The following RGS6 variants were observed in gnomAD, a reference collection of about 807,000 sequenced individuals.
RGS6 encodes the protein regulator of G protein signaling 6, also known as regulator of G-protein signaling 6.
Under a neutral mutation model 78.5 loss-of-function variants are expected in RGS6, and 30 were observed. That is an observed-to-expected ratio of 0.38 (90% CI 0.29 to 0.52). RGS6 has a LOEUF of 0.52. RGS6 is among the 20% of genes least tolerant of loss of function. RGS6 has a pLI of 0.85. For synonymous variants in RGS6, 206 were observed against 206.0 expected, an observed-to-expected ratio of 1.00 and a Z score of 0.00; for missense variants, 495 against 609.7, an observed-to-expected ratio of 0.81 and a Z score of 1.98.
intron 2 of RGS6, among the ~76,000 whole-genome samples, chr14:72,168,288 A>G (rs149668): frequency 0.99 from 150,991 of 152,162 alleles, 74,914 homozygotes; most frequent in Middle Eastern, 1. Flanking sequence ...ATGGTCCCCC[A>G]CAGGCCTCGG....
chr14:72,146,208 C>CA, intron 2 of RGS6, among the ~76,000 whole-genome samples: 1 of 152,248 alleles, frequency 6.6e-6, no homozygotes, highest in South Asian at 2.1e-4. Context: ...ATAATGACAT[C>CA]AATCCATTCA....
intron 2 of RGS6, among the ~76,000 whole-genome samples, chr14:72,351,048 G>A (rs904853749): frequency 6.6e-6 from 1 of 152,082 alleles, no homozygotes; most frequent in African/African-American, 2.4e-5. Flanking sequence ...TCATCAAGTT[G>A]CAATCATAGT....
chr14:72,094,419 A>AC (rs2095354688), intron 2 of RGS6, among the ~76,000 whole-genome samples: 1 of 151,906 alleles, frequency 6.6e-6, no homozygotes, highest in Non-Finnish European at 1.5e-5. Context: ...GTGGTTGGTG[A>AC]CCCCCACTTT....
intron 2 of RGS6, among the ~76,000 whole-genome samples, chr14:72,083,120 C>T (rs1386647106): frequency 3.9e-5 from 6 of 152,156 alleles, no homozygotes; most frequent in Admixed American, 2.6e-4. Context: ...CAGAATCTCC[C>T]TAGAAAACTT....
chr14:72,220,785 C>A (rs1215335204), intron 2 of RGS6, among the ~76,000 whole-genome samples: 1 of 152,146 alleles, frequency 6.6e-6, no homozygotes, highest in Admixed American at 6.5e-5. Flanking sequence ...GGTTGATGAA[C>A]TTGAACATCA....
chr14:72,549,774 A>G (rs1301104605), intron 17 of RGS6, among the ~76,000 whole-genome samples: 1 of 152,170 alleles, frequency 6.6e-6, no homozygotes, highest in Non-Finnish European at 1.5e-5. Context: ...AGGCAGGAGG[A>G]TCACTAGAAC....
intron 2 of RGS6, among the ~76,000 whole-genome samples, chr14:72,307,466 T>C (rs2067522420): frequency 6.6e-6 from 1 of 152,184 alleles, no homozygotes; most frequent in African/African-American, 2.4e-5. Flanking sequence ...TCTATGCTGA[T>C]ATAAGGTATG....
chr14:72,159,933 A>G (rs1208544866), intron 2 of RGS6, among the ~76,000 whole-genome samples: 1 of 152,214 alleles, frequency 6.6e-6, no homozygotes, highest in Non-Finnish European at 1.5e-5. Flanking sequence ...CAGTTTTTAT[A>G]ATTTCAAGAT....
At position 72,562,447 on chromosome 14, in the gene RGS6, G is replaced by A; in HGVS notation, c.1453G>A (p.Gly485Ser). 1 of 1,612,890 alleles carries A rather than the reference G, an allele frequency of 6.2e-7. No homozygotes were observed. Among genetic ancestry groups the A allele is most frequent in the South Asian group, 1.1e-5 (1 of 91,088 alleles). The change falls in exon 18 of 18, where the codon GGC becomes AGC. Residue 485 changes from glycine (G) to serine (S), a missense_variant. By Grantham distance (56) the Gly-to-Ser change is moderately conservative. Coordinates refer to ENST00000553525, the MANE Select transcript of RGS6 (RefSeq NM_001204424.2). ...GKSLAGKRLT[G>S]LMQSS is the part of the protein sequence containing the mutation. ...GTCGCTGGCGGGCAAGCGCCTCACG[G>A]GCCTGATGCAGTCCTCCTGACCGTT...
intron 2 of RGS6, among the ~76,000 whole-genome samples, chr14:72,115,105 A>C (rs1426362254): frequency 1.3e-5 from 2 of 152,160 alleles, no homozygotes; most frequent in Admixed American, 1.3e-4. Flanking sequence ...GATCTCAGTT[A>C]TGTGGCAATC....
Position 72,447,429 on chromosome 14 carries a change from G to A in RGS6, c.185-7099G>A, listed in dbSNP as rs111838991. 7.0e-4 allele frequency among the ~76,000 whole-genome samples: 107 copies of A among 152,162 alleles called. 1 individual carries two copies. The highest frequency in any genetic ancestry group is 2.2e-3 in the African/African-American group (93 of 41,514). On this transcript the variant is annotated intron_variant, in intron 3 of 17. Transcript: ENST00000553525. ...CCTTCTGTCCAACAAGCTGTCTATC[G>A]GAAGATCCCAGTCTAAAAGCACCAG...
At chr14:72,629,809 A>T in the RGS6 span, 1 of 1,214,564 alleles carries the variant, frequency 8.2e-7, no homozygotes. Flanking sequence ...CTCACTGGAA[A>T]CACATTGATG....
intron 2 of RGS6, among the ~76,000 whole-genome samples, chr14:72,197,780 A>G (rs1175026057): frequency 1.3e-5 from 2 of 152,046 alleles, no homozygotes; most frequent in Non-Finnish European, 2.9e-5. Flanking sequence ...CCAGTGGGTC[A>G]CGCCCACCAG....
chr14:72,215,587 G>A (rs944684043), intron 2 of RGS6, among the ~76,000 whole-genome samples: 1 of 152,098 alleles, frequency 6.6e-6, no homozygotes, highest in Non-Finnish European at 1.5e-5. Context: ...TGGCTGGAAC[G>A]GGACCTCACA....
intron 2 of RGS6, among the ~76,000 whole-genome samples, chr14:72,160,172 T>C (rs1014337146): frequency 1.3e-5 from 2 of 152,192 alleles, no homozygotes; most frequent in Non-Finnish European, 2.9e-5. Context: ...GCTAAACCTC[T>C]TCCCTGGGCA....
intron 2 of RGS6, among the ~76,000 whole-genome samples, chr14:72,257,964 C>T (rs2057405931): frequency 6.6e-6 from 1 of 152,206 alleles, no homozygotes; most frequent in African/African-American, 2.4e-5. Flanking sequence ...ATTCAAACAG[C>T]TAATTCCTTA....
chr14:72,341,645 C>T (rs2077019020), intron 2 of RGS6, among the ~76,000 whole-genome samples: 1 of 152,108 alleles, frequency 6.6e-6, no homozygotes, highest in South Asian at 2.1e-4. Context: ...AGTGGTGGTG[C>T]TGGAAAGGTG....
At chr14:71,986,192 C>G (rs1207305898) in intron 2 of RGS6, among the ~76,000 whole-genome samples, 1 of 152,132 alleles carries the variant, frequency 6.6e-6, no homozygotes, top group Non-Finnish European at 1.5e-5. Context: ...TTCAACCTTC[C>G]ATTTTGTGCC....
intron 2 of RGS6, among the ~76,000 whole-genome samples, chr14:72,269,466 C>G (rs2059588826): frequency 6.6e-6 from 1 of 152,130 alleles, no homozygotes; most frequent in Non-Finnish European, 1.5e-5. Context: ...CCATGCTACT[C>G]CCTCTGCTTG....
Sources: gnomAD v4.1 joint callset for allele counts (sites outside exome capture counted in the v4.1 genomes callset) on GRCh38, gnomAD v4.1.1 for gene constraint, MANE v1.5 for transcripts, NCBI Gene and HGNC (gene_info 2026-07-23, HGNC 2026-07-21) for gene names.